CNTNAP3: variants seen among roughly 807,000 people sequenced by gnomAD.
CNTNAP3 encodes the protein contactin-associated protein-like 3.
In CNTNAP3, 36 loss-of-function variants were observed where a neutral mutation model predicts 92.1. That is an observed-to-expected ratio of 0.39 (90% CI 0.30 to 0.52). CNTNAP3 has a LOEUF of 0.52. Among genes scored for constraint, CNTNAP3 ranks in the 20% least tolerant of loss-of-function variants. The pLI is 0.76. For missense variants in CNTNAP3, 534 were observed against 1,069.6 expected (o/e 0.50, Z 6.98); for synonymous variants, 232 against 422.3 (o/e 0.55, Z 5.53).
intron 12 of CNTNAP3, among the ~76,000 whole-genome samples, chr9:39,136,325 A>C (rs1410812078): frequency 5.3e-5 from 8 of 152,042 alleles, no homozygotes; most frequent in Non-Finnish European, 1.0e-4. Context: ...ACCCATTCCT[A>C]TATGTCCCAG....
At chr9:39,118,348 T>C in intron 13 of CNTNAP3, 89 bp from the exon 14 acceptor site, 1 of 1,547,216 alleles carries the variant, frequency 6.5e-7, no homozygotes, top group Non-Finnish European at 8.8e-7. Context: ...AGGTGTAAAG[T>C]GTATGTGTGA....
chr9:39,130,494 TC>T (rs1485349522), intron 13 of CNTNAP3, among the ~76,000 whole-genome samples: 4 of 146,240 alleles, frequency 2.7e-5, no homozygotes, highest in Non-Finnish European at 4.5e-5. Flanking sequence ...TAGGAGGAAT[TC>T]TTTTTTTTTT....
At chr9:39,122,578 G>A (rs969610146) in intron 13 of CNTNAP3, among the ~76,000 whole-genome samples, 5 of 152,204 alleles carry the variant, frequency 3.3e-5, no homozygotes, top group African/African-American at 7.2e-5. Context: ...TTTGGCCTCT[G>A]ACACCACAGT....
At chr9:39,126,934 A>G (rs1821165657) in intron 13 of CNTNAP3, among the ~76,000 whole-genome samples, 1 of 152,090 alleles carries the variant, frequency 6.6e-6, no homozygotes, top group Admixed American at 6.5e-5. Context: ...AGAATACTCC[A>G]CTTAAGAATA....
chr9:39,149,355 TG>T lies in CNTNAP3; in HGVS notation c.1649+450del, dbSNP rs575885723. 7.2e-4 allele frequency among the ~76,000 whole-genome samples: 109 copies of T among 150,942 alleles called. 1 individual carries two copies. In the East Asian group the frequency reaches 7.9e-3, roughly 11 times the overall value. ...CCATTAGAGATGCAGTTTTTGTTTT[TG>T]TTTTTTTTTTTGAGACGCAGTCTCG... is the stretch of plus-strand genomic sequence containing the variant. On this transcript the variant is annotated intron_variant, in intron 10 of 23. Coordinates refer to ENST00000297668, the MANE Select transcript of CNTNAP3 (RefSeq NM_033655.5).
intron 11 of CNTNAP3, among the ~76,000 whole-genome samples, chr9:39,142,276 G>A (rs576972305): frequency 1.2e-3 from 177 of 152,222 alleles, no homozygotes; most frequent in African/African-American, 4.0e-3. Context: ...ATGCCTGGAG[G>A]ATGAAAGATA....
At chr9:39,133,186 A>G (rs1821346152) in intron 12 of CNTNAP3, 51 bp from the exon 13 acceptor site, 1 of 1,532,742 alleles carries the variant, frequency 6.5e-7, no homozygotes, top group Non-Finnish European at 8.8e-7. Context: ...AGAGGCCAGC[A>G]GCAAGAGGCA....
chr9:39,134,021 T>C (rs1821366300), intron 12 of CNTNAP3, among the ~76,000 whole-genome samples: 1 of 152,144 alleles, frequency 6.6e-6, no homozygotes, highest in African/African-American at 2.4e-5. Flanking sequence ...AACAAAACAA[T>C]GTGATACATT....
chr9:39,143,510 C>T (rs1821627813), intron 11 of CNTNAP3, among the ~76,000 whole-genome samples: 2 of 152,120 alleles, frequency 1.3e-5, no homozygotes, highest in Non-Finnish European at 2.9e-5. Flanking sequence ...GGCCAAGTTA[C>T]TTAACCTCTT....
At chr9:39,157,466 A>G (rs2315729) in intron 9 of CNTNAP3, among the ~76,000 whole-genome samples, 1 of 104,352 alleles carries the variant, frequency 9.6e-6, no homozygotes, top group African/African-American at 3.3e-5. Flanking sequence ...CAGCCTCCTG[A>G]GAAGCTGGGA....
intron 14 of CNTNAP3, among the ~76,000 whole-genome samples, chr9:39,115,118 T>A (rs1820823615): frequency 6.6e-6 from 1 of 151,964 alleles, no homozygotes. Flanking sequence ...TTAAGTAATA[T>A]GCTTTAGACG....
In CNTNAP3 at chr9:39,069,775, A is replaced by C. The variant is rs1471080750; in HGVS notation, c.*4115T>G. Among the ~76,000 whole-genome samples the C allele has an allele frequency of 1.3e-5, 2 of 152,298 alleles. No individual in the cohort carries two copies. Among genetic ancestry groups the C allele is most frequent in the Non-Finnish European group, 2.9e-5 (2 of 68,050 alleles). Reference sequence around the variant, plus strand: ...CCGTGAGTGGCTGTTCTGACAACACATCAGCAATGAACTTAGCCTGAGCTA... The same window carrying C: ...CCGTGAGTGGCTGTTCTGACAACACCTCAGCAATGAACTTAGCCTGAGCTA... On this transcript the variant is annotated 3_prime_UTR_variant, in exon 24 of 24. Coordinates refer to ENST00000297668, the MANE Select transcript of CNTNAP3 (RefSeq NM_033655.5).
At chr9:39,076,954 TCAAA>T (rs555104781) in intron 23 of CNTNAP3, among the ~76,000 whole-genome samples, 515 of 150,632 alleles carry the variant, frequency 3.4e-3, no homozygotes, top group African/African-American at 5.5e-3. Flanking sequence ...AGACTCCCTC[TCAAA>T]CAAACAAAGA....
At chr9:39,137,154 T>C (rs1190448398) in intron 12 of CNTNAP3, among the ~76,000 whole-genome samples, 1 of 152,042 alleles carries the variant, frequency 6.6e-6, no homozygotes, top group East Asian at 1.9e-4. Flanking sequence ...TGTACTCAGA[T>C]ATTATGTTCT....
chr9:39,138,036 G>A (rs1821484571), intron 12 of CNTNAP3, among the ~76,000 whole-genome samples: 1 of 149,556 alleles, frequency 6.7e-6, no homozygotes, highest in Non-Finnish European at 1.5e-5. Flanking sequence ...TGTTGTTGTT[G>A]TTGTCACAAT....
Position 39,140,585 on chromosome 9 carries a change from G to T in CNTNAP3, c.1810C>A (p.Leu604Ile). The T allele has an allele frequency of 6.2e-7, 1 of 1,613,626 alleles. No homozygotes were observed. Among genetic ancestry groups the T allele is most frequent in the Non-Finnish European group, 8.5e-7 (1 of 1,179,738 alleles). The change falls in exon 12 of 24, where the codon CTT becomes ATT. Residue 604 changes from leucine (L) to isoleucine (I), a missense_variant. Coordinates refer to ENST00000297668, the MANE Select transcript of CNTNAP3 (RefSeq NM_033655.5). ...AHKHRGNPSG[L>I]YYIDADGSGP... The stretch of plus-strand genomic sequence containing the variant: ...CTTCCATCTGCATCAATATAGTAAA[G>T]CCCAGACGGGTTCCCTCGGTGCTTG...
At chr9:39,074,574 TG>T (rs1474984326) in intron 23 of CNTNAP3, among the ~76,000 whole-genome samples, 1 of 151,812 alleles carries the variant, frequency 6.6e-6, no homozygotes, top group Non-Finnish European at 1.5e-5. Flanking sequence ...TTTTAGATAA[TG>T]CTTTCAGATT....
chr9:39,093,066 T>C (rs563090357), intron 18 of CNTNAP3, among the ~76,000 whole-genome samples: 178 of 141,820 alleles, frequency 1.3e-3, no homozygotes, highest in African/African-American at 4.3e-3. Context: ...GTACATGTTT[T>C]CCCTTCTTTT....
At chr9:39,149,510 T>C (rs945912818) in intron 10 of CNTNAP3, among the ~76,000 whole-genome samples, 1 of 135,382 alleles carries the variant, frequency 7.4e-6, no homozygotes, top group Non-Finnish European at 1.6e-5. Flanking sequence ...CCACCACGCC[T>C]GGCTAATTTT....
Sources: allele counts gnomAD v4.1 joint callset (sites outside exome capture counted in the v4.1 genomes callset), GRCh38; gene constraint gnomAD v4.1.1; transcripts MANE v1.5; gene names NCBI Gene and HGNC (gene_info 2026-07-23, HGNC 2026-07-21).